ANO2: variants seen among roughly 807,000 people sequenced by gnomAD.
The protein encoded by ANO2 is anoctamin 2, also known as anoctamin-2.
In ANO2, 101 loss-of-function variants were observed where a neutral mutation model predicts 124.2. The observed-to-expected ratio is 0.81, with a 90% confidence interval of 0.69 to 0.96. The LOEUF (loss-of-function observed/expected upper bound fraction) is 0.96, where lower values mean the gene tolerates loss of function less well. Ranked by LOEUF, ANO2 falls within the 40% of genes least tolerant of loss-of-function variation. ANO2 has a pLI of 0.00. For synonymous variants in ANO2, 486 were observed against 482.5 expected (o/e 1.01, Z -0.09); for missense variants, 1,293 against 1,274.5 (o/e 1.01, Z -0.22).
At position 5,904,329 on chromosome 12, in the gene ANO2, G is replaced by C. The variant is rs113331055; in HGVS notation, c.534+16711C>G. Among the ~76,000 whole-genome samples, 970 of 152,294 alleles carry C rather than the reference G, an allele frequency of 6.4e-3. 17 individuals carry two copies. Among genetic ancestry groups the C allele is most frequent in the African/African-American group, 0.022 (927 of 41,560 alleles). On this transcript the variant is annotated intron_variant, in intron 3 of 24. Transcript: ENST00000682330. This position sits in a 1 kb window ranked among gnomAD's most constrained non-coding sequence, Gnocchi z 4.1. ...TACACCACCATTCACCTAAGGCTTT[G>C]ATCCCTGAGAAAAATGCAGCTGCCG...
intron 14 of ANO2, among the ~76,000 whole-genome samples, chr12:5,720,169 T>G (rs1192361918): frequency 6.6e-6 from 1 of 151,982 alleles, no homozygotes; most frequent in Non-Finnish European, 1.5e-5. Context: ...AGAAGGAGGT[T>G]TTTGCAACCT....
At position 5,596,153 on chromosome 12, in the gene ANO2, T is replaced by C. The variant is rs545729341; in HGVS notation, c.2233+3331A>G. Among the ~76,000 whole-genome samples, 5 of 152,242 alleles carry C rather than the reference T, an allele frequency of 3.3e-5. No individual in the cohort carries two copies. The East Asian group carries it at 5.8e-4, about 18-fold the overall frequency. ...ACTTTGGGAGGCCGAGGCAGGAGGA[T>C]TGCTTGAGGCCAGGAGCTCAAGATC... On this transcript the variant is annotated intron_variant, in intron 20 of 24. Coordinates refer to ENST00000682330, the MANE Select transcript of ANO2 (RefSeq NM_001364791.2).
At chr12:5,660,293 A>G in intron 14 of ANO2, among the ~76,000 whole-genome samples, 1 of 151,436 alleles carries the variant, frequency 6.6e-6, no homozygotes, top group Non-Finnish European at 1.5e-5. Context: ...ATGAACTTTG[A>G]ATACATCTAA....
intron 14 of ANO2, among the ~76,000 whole-genome samples, chr12:5,697,284 T>G (rs546738497): frequency 2.0e-5 from 3 of 151,928 alleles, no homozygotes; most frequent in African/African-American, 4.8e-5. Flanking sequence ...TACGAAAAAT[T>G]AGCCGGGCGT....
At chr12:5,679,954 G>A (rs1429756275) in intron 14 of ANO2, among the ~76,000 whole-genome samples, 1 of 152,162 alleles carries the variant, frequency 6.6e-6, no homozygotes, top group Non-Finnish European at 1.5e-5. Context: ...ACACTATGCA[G>A]CCATAAAAAG....
At chr12:5,664,511 G>A (rs978913786) in intron 14 of ANO2, among the ~76,000 whole-genome samples, 1 of 152,078 alleles carries the variant, frequency 6.6e-6, no homozygotes, top group African/African-American at 2.4e-5. Flanking sequence ...AACTTTATGA[G>A]ATATGAATTA....
At chr12:5,570,730 C>T (rs1201111075) in intron 23 of ANO2, among the ~76,000 whole-genome samples, 2 of 152,202 alleles carry the variant, frequency 1.3e-5, no homozygotes, top group African/African-American at 4.8e-5. Context: ...AAATGCATTT[C>T]TCAACTCCAA....
At chr12:5,920,412 T>C (rs1418230175) in intron 3 of ANO2, among the ~76,000 whole-genome samples, 1 of 152,174 alleles carries the variant, frequency 6.6e-6, no homozygotes, top group Non-Finnish European at 1.5e-5. Context: ...GGCCTGAGAA[T>C]GTCAAGAAGA....
rs1945967719 is a variant in ANO2, at chr12:5,635,515, A to G, written c.1621-168T>C. On this transcript the variant is annotated intron_variant, in intron 15 of 24. Transcript: ENST00000682330. The surrounding 1 kb of genome is among the most constrained non-coding windows in gnomAD (Gnocchi z 5.2). Reference sequence around the variant, plus strand: ...ATTAGTCTGGAATATTTGGGTGGGTAACAAATTTTTAGGCAGAGTTCTGAG... The same window carrying G: ...ATTAGTCTGGAATATTTGGGTGGGTGACAAATTTTTAGGCAGAGTTCTGAG... Among the ~76,000 whole-genome samples, 1 of 152,024 alleles carries G rather than the reference A, an allele frequency of 6.6e-6. No homozygotes were observed. The highest frequency in any genetic ancestry group is 6.6e-5 in the Admixed American group (1 of 15,266).
chr12:5,849,746 C>T (rs772488188), intron 4 of ANO2, among the ~76,000 whole-genome samples: 2 of 152,158 alleles, frequency 1.3e-5, no homozygotes, highest in Admixed American at 6.5e-5. Context: ...TGGACCCCAC[C>T]GAGTTATGAT....
chr12:5,844,050 G>A (rs1954607612), intron 4 of ANO2, among the ~76,000 whole-genome samples: 1 of 152,146 alleles, frequency 6.6e-6, no homozygotes, highest in Non-Finnish European at 1.5e-5. Flanking sequence ...TCGGGCTGAA[G>A]GAATAAAGAA....
chr12:5,891,317 A>C (rs1939378619), intron 3 of ANO2, among the ~76,000 whole-genome samples: 1 of 152,178 alleles, frequency 6.6e-6, no homozygotes, highest in South Asian at 2.1e-4. Flanking sequence ...ACAGGCCCCT[A>C]GAAGGAGAGT....
intron 3 of ANO2, among the ~76,000 whole-genome samples, chr12:5,861,901 G>C (rs1043350122): frequency 6.6e-6 from 1 of 152,196 alleles, no homozygotes; most frequent in African/African-American, 2.4e-5. Flanking sequence ...AAGGAGGAGA[G>C]TGAGGTGTAG....
At chr12:5,720,470 T>C (rs1035250943) in intron 14 of ANO2, among the ~76,000 whole-genome samples, 4 of 152,126 alleles carry the variant, frequency 2.6e-5, no homozygotes, top group Non-Finnish European at 5.9e-5. Flanking sequence ...AAAAGACAAA[T>C]TTAATTTACG....
chr12:5,811,452 C>T (rs1445422349), intron 7 of ANO2, among the ~76,000 whole-genome samples: 1 of 152,190 alleles, frequency 6.6e-6, no homozygotes, highest in Non-Finnish European at 1.5e-5. Context: ...CATGGTCTGG[C>T]TTTGGTCAAA....
At chr12:5,610,892 T>C (rs1373301382) in intron 19 of ANO2, among the ~76,000 whole-genome samples, 1 of 136,158 alleles carries the variant, frequency 7.3e-6, no homozygotes, top group African/African-American at 2.8e-5. Context: ...ATAAAGAAAA[T>C]GATGGCAGTC....
chr12:5,637,786 G>A (rs2136941345), intron 15 of ANO2, among the ~76,000 whole-genome samples: 1 of 152,090 alleles, frequency 6.6e-6, no homozygotes, highest in East Asian at 1.9e-4. Flanking sequence ...TACCTTCTCT[G>A]GTCTTAATTT....
chr12:5,788,739 A>G (rs1471911299), intron 10 of ANO2, among the ~76,000 whole-genome samples: 1 of 152,072 alleles, frequency 6.6e-6, no homozygotes, highest in Non-Finnish European at 1.5e-5. Context: ...TTGTAGTTTT[A>G]GTAGAGACAG....
intron 14 of ANO2, among the ~76,000 whole-genome samples, chr12:5,663,778 A>AGG (rs1210631779): frequency 6.6e-6 from 1 of 152,176 alleles, no homozygotes; most frequent in African/African-American, 2.4e-5. Context: ...GACCCTCAAG[A>AGG]GGGGTTAAGA....
Sources: allele counts gnomAD v4.1 joint callset (sites outside exome capture counted in the v4.1 genomes callset), GRCh38; gene constraint gnomAD v4.1.1; non-coding constraint Gnocchi (gnomAD v3.1); transcripts MANE v1.5; gene names NCBI Gene and HGNC (gene_info 2026-07-23, HGNC 2026-07-21).